The following KIAA1328 variants were observed in gnomAD, a reference collection of about 807,000 sequenced individuals.
KIAA1328 encodes protein hinderin.
Under a neutral mutation model 68.1 loss-of-function variants are expected in KIAA1328, and 52 were observed. That is an observed-to-expected ratio of 0.76 (90% CI 0.61 to 0.96). The LOEUF is 0.96. Ranked by LOEUF, KIAA1328 falls within the 40% of genes least tolerant of loss-of-function variation. The pLI, the probability that KIAA1328 is intolerant of heterozygous loss-of-function variation, is 0.00. For missense variants in KIAA1328, 641 were observed against 677.6 expected, an observed-to-expected ratio of 0.95 and a Z score of 0.60; for synonymous variants, 232 against 239.4, an observed-to-expected ratio of 0.97 and a Z score of 0.28.
chr18:36,841,706 A>C (rs1315043045), intron 3 of KIAA1328, among the ~76,000 whole-genome samples: 1 of 152,234 alleles, frequency 6.6e-6, no homozygotes, highest in Non-Finnish European at 1.5e-5. Flanking sequence ...AGCAATATGC[A>C]AATGAATGAG....
intron 7 of KIAA1328, among the ~76,000 whole-genome samples, chr18:37,139,001 G>A (rs2058708051): frequency 7.7e-6 from 1 of 129,476 alleles, no homozygotes; most frequent in African/African-American, 3.2e-5. Flanking sequence ...GTGTCGCCCA[G>A]GCTGGAGTGC....
intron 6 of KIAA1328, among the ~76,000 whole-genome samples, chr18:36,985,002 C>G (rs968724817): frequency 6.6e-6 from 1 of 151,522 alleles, no homozygotes; most frequent in Non-Finnish European, 1.5e-5. Flanking sequence ...CCAAAGTAAT[C>G]TAAATGTTCA....
At chr18:36,949,704 C>T (rs191404324) in intron 5 of KIAA1328, among the ~76,000 whole-genome samples, 12 of 146,312 alleles carry the variant, frequency 8.2e-5, no homozygotes, top group South Asian at 2.2e-4. Context: ...GCTATCTTTC[C>T]GTGGCTCATG....
downstream of KIAA1328, chr18:37,231,300 A>G (rs2060663044): frequency 6.7e-6 from 1 of 148,996 alleles, no homozygotes; most frequent in Admixed American, 6.6e-5. Flanking sequence ...AGTTGCCTAT[A>G]TTCTCTAAGC....
chr18:36,927,583 CA>C (rs56381546), intron 5 of KIAA1328, among the ~76,000 whole-genome samples: 3,956 of 151,570 alleles, frequency 0.026, 82 homozygotes, highest in Non-Finnish European at 0.038. Flanking sequence ...TTCATCTCTA[CA>C]AAAAAAAATT....
chr18:37,137,491 T>C (rs1276270550), intron 7 of KIAA1328, among the ~76,000 whole-genome samples: 1 of 152,218 alleles, frequency 6.6e-6, no homozygotes, highest in Non-Finnish European at 1.5e-5. Context: ...ACTATATCAC[T>C]CAACTAAAAC....
chr18:36,832,763 A>G (rs1340874165), intron 1 of KIAA1328: 1 of 152,104 alleles, frequency 6.6e-6, no homozygotes, highest in African/African-American at 2.4e-5. Context: ...TAAAACAAAA[A>G]TCATTACCCT....
At chr18:36,854,862 C>T (rs775684907) in intron 4 of KIAA1328, among the ~76,000 whole-genome samples, 4 of 152,012 alleles carry the variant, frequency 2.6e-5, no homozygotes, top group African/African-American at 7.2e-5. Flanking sequence ...CCCAGTTTAC[C>T]GTTTCTGTTG....
At chr18:36,991,296 A>C (rs2053167957) in intron 6 of KIAA1328, among the ~76,000 whole-genome samples, 1 of 152,172 alleles carries the variant, frequency 6.6e-6, no homozygotes, top group African/African-American at 2.4e-5. Flanking sequence ...TCATTTCATT[A>C]TAGTTGGCAG....
At chr18:36,943,155 C>T (rs2050772714) in intron 5 of KIAA1328, among the ~76,000 whole-genome samples, 1 of 152,156 alleles carries the variant, frequency 6.6e-6, no homozygotes, top group African/African-American at 2.4e-5. Flanking sequence ...AAGGGAATGT[C>T]ATATATTATA....
At chr18:37,173,909 A>G (rs2059546947) in intron 9 of KIAA1328, among the ~76,000 whole-genome samples, 1 of 152,186 alleles carries the variant, frequency 6.6e-6, no homozygotes, top group Non-Finnish European at 1.5e-5. Flanking sequence ...GCCTATAGAT[A>G]TGCTGTTCCA....
Position 37,223,238 on chromosome 18 carries a change from C to T in KIAA1328, c.*1011C>T. The stretch of plus-strand genomic sequence containing the variant: ...GCCTCACAGGTGCTCTGCTCGTGGC[C>T]CCAAAGAACCATCTCTACTTGCCAG... On this transcript the variant is annotated 3_prime_UTR_variant, in exon 10 of 10. Transcript: ENST00000280020. 1.0e-6 allele frequency: 1 copy of T among 985,254 alleles called. No homozygotes were observed. Among genetic ancestry groups the T allele is most frequent in the Non-Finnish European group, 1.2e-6 (1 of 829,946 alleles). 61.0% of individuals were successfully genotyped at this position (985,254 alleles called of 1,614,324 possible).
At chr18:37,080,987 T>G (rs527539276) in intron 7 of KIAA1328, among the ~76,000 whole-genome samples, 84 of 150,984 alleles carry the variant, frequency 5.6e-4, no homozygotes, top group Non-Finnish European at 1.1e-3. Context: ...GATTGATTGG[T>G]TGATTGATTG....
intron 3 of KIAA1328, 112 bp from the exon 4 acceptor site, chr18:36,844,096 G>T: frequency 1.5e-6 from 1 of 652,188 alleles, no homozygotes; most frequent in Non-Finnish European, 2.6e-6. Flanking sequence ...CAGGTAGATA[G>T]TGTTGCACCA....
At chr18:36,948,256 CTTTTGTTTTTTTTTTT>C (rs1226630403) in intron 5 of KIAA1328, among the ~76,000 whole-genome samples, 3 of 128,440 alleles carry the variant, frequency 2.3e-5, no homozygotes, top group Non-Finnish European at 5.1e-5. Context: ...GTTTGTTTGT[CTTTTGTTTTTTTTTTT>C]TTTTTTTTGA....
At chr18:37,079,884 CAAA>C (rs200381832) in intron 7 of KIAA1328, among the ~76,000 whole-genome samples, 7 of 95,266 alleles carry the variant, frequency 7.3e-5, no homozygotes, top group East Asian at 4.6e-4. Context: ...AAGGCTGTCT[CAAA>C]AAAAAAAAAA....
intron 6 of KIAA1328, among the ~76,000 whole-genome samples, chr18:37,002,652 C>G (rs574039294): frequency 9.9e-5 from 15 of 152,048 alleles, no homozygotes; most frequent in Non-Finnish European, 1.8e-4. Context: ...TGAAAGTTCT[C>G]TACAAGAGAA....
Position 37,160,273 on chromosome 18 carries a change from A to C in KIAA1328, c.1306A>C (p.Asn436His). Residue 436 changes from asparagine (N) to histidine (H), a missense_variant, in exon 8 of 10, where the codon AAC becomes CAC. Asn to His is a moderately conservative substitution (Grantham distance 68). Transcript: ENST00000280020. Reference protein sequence around the residue: ...SSIKKHQDPPNSGENRKERKT... With the variant: ...SSIKKHQDPPHSGENRKERKT... Reference sequence around the variant, plus strand: ...TATTAAAAAGCACCAAGACCCCCCAAACAGTGGAGAGAATAGGAAGGAGAG... The same window carrying C: ...TATTAAAAAGCACCAAGACCCCCCACACAGTGGAGAGAATAGGAAGGAGAG... 6.2e-7 allele frequency: 1 copy of C among 1,613,636 alleles called. No individual in the cohort carries two copies. Among genetic ancestry groups the C allele is most frequent in the Non-Finnish European group, 8.5e-7 (1 of 1,179,706 alleles).
At chr18:37,089,673 C>T (rs907007724) in intron 7 of KIAA1328, among the ~76,000 whole-genome samples, 2 of 152,036 alleles carry the variant, frequency 1.3e-5, no homozygotes, top group African/African-American at 4.8e-5. Flanking sequence ...CTGAGCCCTG[C>T]CTGGTAGTGG....
Sources: gnomAD v4.1 joint callset for allele counts (sites outside exome capture counted in the v4.1 genomes callset) on GRCh38, gnomAD v4.1.1 for gene constraint, MANE v1.5 for transcripts, NCBI Gene and HGNC (gene_info 2026-07-23, HGNC 2026-07-21) for gene names.